The following IL17RD variants were observed in gnomAD, a reference collection of about 807,000 sequenced individuals.
IL17RD encodes the protein interleukin-17 receptor D.
Under a neutral mutation model 80.5 loss-of-function variants are expected in IL17RD, and 52 were observed. The observed-to-expected ratio is 0.65, with a 90% CI of 0.52 to 0.81. The LOEUF is 0.81. Ranked by LOEUF, IL17RD falls within the 40% of genes least tolerant of loss-of-function variation. The pLI is 0.00. For synonymous variants in IL17RD, 416 were observed against 391.8 expected (o/e 1.06, Z -0.73); for missense variants, 1,024 against 955.1 (o/e 1.07, Z -0.95).
chr3:57,123,299 G>A (rs1455606842), intron 1 of IL17RD, among the ~76,000 whole-genome samples: 2 of 152,134 alleles, frequency 1.3e-5, no homozygotes, highest in East Asian at 1.9e-4. Context: ...ATCTGCCCTC[G>A]CTCCCCTGCT....
In IL17RD at chr3:57,095,905, A is replaced by C. The variant is rs760760342; in HGVS notation, c.*488T>G. On this transcript the variant is annotated 3_prime_UTR_variant, in exon 13 of 13. Coordinates refer to ENST00000296318, the MANE Select transcript of IL17RD (RefSeq NM_017563.5). Reference sequence around the variant, plus strand: ...GTAAATTCTACATCAAAAATAAATGAGAACATTATCTGCAATACAACATGG... The same window carrying C: ...GTAAATTCTACATCAAAAATAAATGCGAACATTATCTGCAATACAACATGG... 6.5e-6 allele frequency: 1 copy of C among 154,256 alleles called. No homozygotes were observed. The highest frequency in any genetic ancestry group is 1.9e-4 in the East Asian group (1 of 5,288). The allele number at this position is 154,256 out of a possible 1,614,324, so 9.6% of individuals were successfully genotyped here.
rs199962100 is a variant in IL17RD, at chr3:57,103,148, G to T, written c.814-3C>A. 1 of 1,600,258 alleles carries T rather than the reference G, an allele frequency of 6.2e-7. No individual in the cohort carries two copies. Among genetic ancestry groups the T allele is most frequent in the Admixed American group, 1.7e-5 (1 of 58,170 alleles). ...GTTGTGTTAGTGTCATCCACCAGCT[G>T]CAAAACAGAGGATGCTGCATTATTT... On this transcript the variant is annotated splice_region_variant and splice_polypyrimidine_tract_variant and intron_variant, in intron 8 of 12. Transcript: ENST00000296318.
chr3:57,133,064 C>G (rs1301258436), intron 1 of IL17RD, among the ~76,000 whole-genome samples: 1 of 152,152 alleles, frequency 6.6e-6, no homozygotes, highest in Non-Finnish European at 1.5e-5. Flanking sequence ...CCAGCCACAG[C>G]AAAACTCATT....
chr3:57,155,306 T>C (rs1312845764), intron 1 of IL17RD, among the ~76,000 whole-genome samples: 1 of 152,216 alleles, frequency 6.6e-6, no homozygotes, highest in African/African-American at 2.4e-5. Context: ...TGCTTAGCAG[T>C]AACTTTTCAC....
Position 57,091,547 on chromosome 3 carries a change from A to ATTTT in IL17RD, c.*4845_*4846insAAAA. 1 of 152,644 alleles carries ATTTT rather than the reference A, an allele frequency of 6.6e-6. No individual in the cohort carries two copies. Among genetic ancestry groups the ATTTT allele is most frequent in the Non-Finnish European group, 1.5e-5 (1 of 68,048 alleles). The allele number at this position is 152,644 out of a possible 1,614,324, so 9.5% of individuals were successfully genotyped here. A position where few individuals can be genotyped will look rare whatever the true frequency, so the allele number is the denominator to read the frequency against. The stretch of plus-strand genomic sequence containing the variant: ...ACTAAACTAAGTGTGAAGCTGAGAA[A>ATTTT]CATTACAGCAGTGAAAATTATTAGG... On this transcript the variant is annotated 3_prime_UTR_variant, in exon 13 of 13. Coordinates refer to ENST00000296318, the MANE Select transcript of IL17RD (RefSeq NM_017563.5).
chr3:57,109,490 G>T (rs768201919), intron 5 of IL17RD, 47 bp downstream of exon 5: 2 of 1,585,818 alleles, frequency 1.3e-6, no homozygotes, highest in Non-Finnish European at 1.7e-6. Flanking sequence ...CATTAAAAGC[G>T]GAGAAAAGTC....
upstream of IL17RD, among the ~76,000 whole-genome samples, chr3:57,168,463 C>T (rs74370320): frequency 1.5e-3 from 222 of 152,254 alleles, 2 homozygotes; most frequent in East Asian, 0.04. Context: ...AAGCCTTAAG[C>T]GTCCAGTCTA....
chr3:57,127,195 TATAA>T, intron 1 of IL17RD, among the ~76,000 whole-genome samples: 1 of 120,042 alleles, frequency 8.3e-6, no homozygotes, highest in South Asian at 2.2e-4. Context: ...TATATATATA[TATAA>T]ATATATATAA....
chr3:57,109,164 CCT>C (rs1707034615), intron 5 of IL17RD, among the ~76,000 whole-genome samples: 3 of 151,970 alleles, frequency 2.0e-5, no homozygotes, highest in East Asian at 1.9e-4. Context: ...TTTGTTTCCC[CCT>C]GAGATGGAAT....
intron 2 of IL17RD, among the ~76,000 whole-genome samples, chr3:57,116,078 T>C (rs1384663501): frequency 6.6e-6 from 1 of 152,162 alleles, no homozygotes; most frequent in Non-Finnish European, 1.5e-5. Flanking sequence ...AGCCTTGTTT[T>C]AACATGCACA....
Position 57,097,656 on chromosome 3 carries a change from A to G in IL17RD, c.2047T>C (p.Ser683Pro), listed in dbSNP as rs1350843913. The change falls in exon 12 of 13, where the codon TCG becomes CCG. Residue 683 changes from serine (S) to proline (P), a missense_variant. Physicochemically the swap from Ser to Pro is moderately conservative, Grantham distance 74. Coordinates refer to ENST00000296318, the MANE Select transcript of IL17RD (RefSeq NM_017563.5). ...GAAGACGTTTCTGTCTGGTCCGTCG[A>G]GAGTCCTTCCATCAGTGGCAGAGAC... ...ELSLPLMEGLSTDQTETSSLT... is the reference protein window; with the variant it reads ...ELSLPLMEGLPTDQTETSSLT... The G allele has an allele frequency of 1.9e-6, 3 of 1,602,266 alleles. No individual in the cohort carries two copies. The highest frequency in any genetic ancestry group is 1.7e-6 in the Non-Finnish European group (2 of 1,174,810).
chr3:57,099,359 A>T (rs753428921), intron 11 of IL17RD, among the ~76,000 whole-genome samples: 1 of 152,234 alleles, frequency 6.6e-6, no homozygotes, highest in Non-Finnish European at 1.5e-5. Context: ...GAGAAAAATC[A>T]GACATGTGTG....
At chr3:57,147,699 G>A (rs1418101966) in intron 1 of IL17RD, among the ~76,000 whole-genome samples, 1 of 152,094 alleles carries the variant, frequency 6.6e-6, no homozygotes, top group African/African-American at 2.4e-5. Context: ...CTTACTACAT[G>A]AACATATCAT....
At chr3:57,126,894 G>A (rs1264314585) in intron 1 of IL17RD, among the ~76,000 whole-genome samples, 2 of 150,302 alleles carry the variant, frequency 1.3e-5, no homozygotes, top group African/African-American at 4.9e-5. Flanking sequence ...GTGAGATCTC[G>A]GCTCACTGCA....
In IL17RD at chr3:57,102,509, A is replaced by G; in HGVS notation, c.949T>C (p.Phe317Leu). 1 of 1,577,938 alleles carries G rather than the reference A, an allele frequency of 6.3e-7. No homozygotes were observed. Among genetic ancestry groups the G allele is most frequent in the Non-Finnish European group, 8.7e-7 (1 of 1,152,982 alleles). ...LVVISAFATL[F>L]TVMCRKKQQE... ...TGCTTCTTGCGGCACATCACAGTGA[A>G]GAGCGTCGCGAATGCCGATATGACT... is the stretch of plus-strand genomic sequence containing the variant. The change falls in exon 10 of 13, where the codon TTC becomes CTC. Residue 317 changes from phenylalanine (F) to leucine (L), a missense_variant. Phe to Leu is a conservative substitution (Grantham distance 22). Transcript: ENST00000296318.
At chr3:57,165,867 AC>A (rs1372110611), upstream of IL17RD, among the ~76,000 whole-genome samples, 1 of 150,778 alleles carries the variant, frequency 6.6e-6, no homozygotes, top group African/African-American at 2.4e-5. Context: ...CCTCACCACA[AC>A]CCCCCGTCCC....
At chr3:57,120,157 G>T in intron 2 of IL17RD, 99 bp downstream of exon 2, 1 of 972,434 alleles carries the variant, frequency 1.0e-6, no homozygotes, top group Non-Finnish European at 1.6e-6. Flanking sequence ...CAGAAAATTC[G>T]TCAACCCCAA....
chr3:57,162,195 C>T (rs1403880813), intron 1 of IL17RD, among the ~76,000 whole-genome samples: 4 of 152,230 alleles, frequency 2.6e-5, no homozygotes, highest in Admixed American at 2.6e-4. Context: ...GCAAGGGTTC[C>T]TGAAACAAAT....
upstream of IL17RD, among the ~76,000 whole-genome samples, chr3:57,166,860 T>C (rs566880956): frequency 1.6e-4 from 24 of 152,310 alleles, no homozygotes; most frequent in Middle Eastern, 3.4e-3. Context: ...CTCCCTCTCC[T>C]TCTCTGGCCT....
Sources: allele counts gnomAD v4.1 joint callset (sites outside exome capture counted in the v4.1 genomes callset), GRCh38; gene constraint gnomAD v4.1.1; transcripts MANE v1.5; gene names NCBI Gene and HGNC (gene_info 2026-07-23, HGNC 2026-07-21).